PDK3: variants seen among roughly 807,000 people sequenced by gnomAD.
PDK3 encodes pyruvate dehydrogenase kinase 3, also known as pyruvate dehydrogenase kinase, isozyme 3.
A neutral mutation model predicts 32.0 loss-of-function variants in PDK3; 12 were observed. The ratio of observed to expected loss-of-function variants is 0.37; its 90% CI spans 0.24 to 0.61. The LOEUF (loss-of-function observed/expected upper bound fraction) is 0.61, where lower values mean the gene tolerates loss of function less well. Ranked by LOEUF, PDK3 falls within the 20% of genes least tolerant of loss-of-function variation. The pLI, the probability that PDK3 is intolerant of heterozygous loss-of-function variation, is 0.65. For missense variants in PDK3, 188 were observed against 316.9 expected, an observed-to-expected ratio of 0.59 and a Z score of 3.09; for synonymous variants, 122 against 116.3, an observed-to-expected ratio of 1.05 and a Z score of -0.31.
exon 12 of PDK3, among the ~76,000 whole-genome samples, chrX:24,544,930 C>T (rs949149008): frequency 8.9e-6 from 1 of 112,102 alleles, no homozygotes; most frequent in Non-Finnish European, 1.9e-5. Context: ...CAAGAAAGGA[C>T]GATTAACTTA....
intron 1 of PDK3, among the ~76,000 whole-genome samples, chrX:24,490,939 T>C (rs1167801898): frequency 9.0e-6 from 1 of 111,059 alleles, no homozygotes; most frequent in Non-Finnish European, 1.9e-5. Context: ...TTCATACTGA[T>C]ACTACCAGTT....
intron 1 of PDK3, among the ~76,000 whole-genome samples, chrX:24,474,948 A>C (rs778283682): frequency 1.8e-4 from 20 of 112,004 alleles, no homozygotes; most frequent in African/African-American, 5.8e-4. Context: ...TTTCCTTTAG[A>C]ACATATTTTA....
exon 12 of PDK3, among the ~76,000 whole-genome samples, chrX:24,542,365 A>G (rs773033359): frequency 8.9e-6 from 1 of 112,255 alleles, no homozygotes; most frequent in East Asian, 2.8e-4. Flanking sequence ...TTACAATGCC[A>G]TGAGCTGGAC....
At chrX:24,506,969 C>T (rs188667408) in intron 5 of PDK3, among the ~76,000 whole-genome samples, 1 of 109,305 alleles carries the variant, frequency 9.1e-6, no homozygotes, top group Non-Finnish European at 1.9e-5. Flanking sequence ...TGCCACCACG[C>T]CCAGCTAATT....
intron 1 of PDK3, among the ~76,000 whole-genome samples, chrX:24,480,211 AAG>A (rs1921219864): frequency 8.9e-6 from 1 of 112,372 alleles, no homozygotes; most frequent in Non-Finnish European, 1.9e-5. Context: ...AAGGGAAAAA[AAG>A]AGCTGACACT....
intron 9 of PDK3, among the ~76,000 whole-genome samples, chrX:24,529,497 C>T (rs1000800210): frequency 1.8e-5 from 2 of 111,535 alleles, no homozygotes; most frequent in Admixed American, 1.9e-4. Context: ...AGGAAACTGG[C>T]CTGTAATCCT....
At chrX:24,477,687 GT>G (rs1340573586) in intron 1 of PDK3, among the ~76,000 whole-genome samples, 1 of 111,374 alleles carries the variant, frequency 9.0e-6, no homozygotes, top group Non-Finnish European at 1.9e-5. Flanking sequence ...TTTGTAAGTA[GT>G]TATTAAATCT....
exon 12 of PDK3, among the ~76,000 whole-genome samples, chrX:24,540,684 G>C (rs1428669463): frequency 1.8e-5 from 2 of 110,103 alleles, no homozygotes; most frequent in Non-Finnish European, 3.8e-5. Flanking sequence ...GATCTCATCA[G>C]AGAACTCATA....
rs747187153 is a variant in PDK3, at chrX:24,527,602, A to G, written c.779A>G (p.Tyr260Cys). The change falls in exon 8 of 11, where the codon TAT becomes TGT. Residue 260 changes from tyrosine (Y) to cysteine (C), a missense_variant. Tyr to Cys is a radical substitution (Grantham distance 194). Coordinates refer to ENST00000379162, the MANE Select transcript of PDK3 (RefSeq NM_005391.5). ...KNSMRATVELYEDRKEGYPAV... is the reference protein window; with the variant it reads ...KNSMRATVELCEDRKEGYPAV... The stretch of plus-strand genomic sequence containing the variant: ...TCAATGAGAGCGACAGTTGAACTCT[A>G]TGAAGACAGAAAAGAGGGCTACCCT... 2 of 1,185,570 alleles carry G rather than the reference A, an allele frequency of 1.7e-6. No homozygotes were observed. Among genetic ancestry groups the G allele is most frequent in the African/African-American group, 1.8e-5 (1 of 56,802 alleles).
At chrX:24,530,181 A>G (rs781064308) in intron 9 of PDK3, among the ~76,000 whole-genome samples, 18 of 111,457 alleles carry the variant, frequency 1.6e-4, no homozygotes, top group Non-Finnish European at 3.2e-4. Context: ...CTGAGTCACT[A>G]CTATAAATAT....
chrX:24,481,192 C>T (rs1175397427), intron 1 of PDK3, among the ~76,000 whole-genome samples: 7 of 110,695 alleles, frequency 6.3e-5, no homozygotes, highest in African/African-American at 2.0e-4. Context: ...TGCAGGCGCC[C>T]GCCACTGCAC....
chrX:24,484,139 G>A (rs919148153), intron 1 of PDK3, among the ~76,000 whole-genome samples: 2 of 111,182 alleles, frequency 1.8e-5, no homozygotes, highest in Non-Finnish European at 3.8e-5. Context: ...AGCCTCCCAA[G>A]TAGCTGGGAC....
In PDK3 at chrX:24,518,837, GCACACACACACACACACACACACACA is replaced by G. The variant is rs3222401; in HGVS notation, c.596-78_596-53del. The G allele has an allele frequency of 3.4e-4, 128 of 373,131 alleles. 1 individual carries two copies. The highest frequency in any genetic ancestry group is 5.4e-4 in the Non-Finnish European group (115 of 212,023). 30.8% of individuals were successfully genotyped at this position (373,131 alleles called of 1,213,427 possible). A position where few individuals can be genotyped will look rare whatever the true frequency, so the allele number is the denominator to read the frequency against. On this transcript the variant is annotated intron_variant, in intron 5 of 10. Coordinates refer to ENST00000379162, the MANE Select transcript of PDK3 (RefSeq NM_005391.5). ...CCTATAGATATATACATGCACATGT[GCACACACACACACACACACACACACA>G]CACACACACACACACACGCTTGTGC...
chrX:24,465,308 T>TGCTGCGGCG lies in PDK3; in HGVS notation c.-142_-134dup, dbSNP rs1958215455. The TGCTGCGGCG allele has an allele frequency of 2.5e-5, 9 of 357,597 alleles. No homozygotes were observed. The highest frequency in any genetic ancestry group is 6.2e-5 in the Admixed American group (1 of 16,230). The allele number at this position is 357,597 out of a possible 1,213,427, so 29.5% of individuals were successfully genotyped here. A position where few individuals can be genotyped will look rare whatever the true frequency, so the allele number is the denominator to read the frequency against. On this transcript the variant is annotated 5_prime_UTR_variant, in exon 1 of 11. Transcript: ENST00000379162. ...GCCGCTGTCCTGGAGCTGCTGCTGC[T>TGCTGCGGCG]GCTGCGGCGGCTGCACCGGCGGCGC...
At chrX:24,547,407 T>TC (rs1161269452) in exon 12 of PDK3, 1 of 111,914 alleles carries the variant, frequency 8.9e-6, no homozygotes, top group African/African-American at 3.2e-5. Flanking sequence ...AAAATAATAT[T>TC]CATCTATGGA....
intron 2 of PDK3, among the ~76,000 whole-genome samples, chrX:24,496,568 CTTTTT>C (rs763095558): frequency 1.5e-4 from 6 of 39,324 alleles, no homozygotes; most frequent in African/African-American, 5.6e-4. Context: ...CTACCCCCAT[CTTTTT>C]TTTTTTTTTT....
At chrX:24,487,397 C>T (rs963987983) in intron 1 of PDK3, among the ~76,000 whole-genome samples, 6 of 111,672 alleles carry the variant, frequency 5.4e-5, no homozygotes, top group Admixed American at 9.5e-5. Flanking sequence ...GGGAAGTGGG[C>T]GCGGGTTGAA....
chrX:24,526,265 G>A lies in PDK3; in HGVS notation c.741G>A (p.Glu247=). 8.6e-7 allele frequency: 1 copy of A among 1,166,336 alleles called. No individual in the cohort carries two copies. Among genetic ancestry groups the A allele is most frequent in the African/African-American group, 1.8e-5 (1 of 56,960 alleles). Residue 247 remains glutamate (E), a synonymous_variant, in exon 7 of 11, where the codon GAG becomes GAA. Transcript: ENST00000379162. The part of the protein sequence containing the change: ...VPSHLFHMLF[E]LFKNSMRATV... The stretch of plus-strand genomic sequence containing the variant: ...CACATCTGTTTCATATGCTATTTGA[G>A]TTGTTCAAGGTAAGTGGAATTTTAA...
intron 1 of PDK3, among the ~76,000 whole-genome samples, chrX:24,477,087 C>A (rs183245291): frequency 9.0e-6 from 1 of 111,611 alleles, no homozygotes; most frequent in Non-Finnish European, 1.9e-5. Flanking sequence ...TCCAGGTAAT[C>A]GGGTGGTTTA....
Sources: gnomAD v4.1 joint callset for allele counts (sites outside exome capture counted in the v4.1 genomes callset) on GRCh38, gnomAD v4.1.1 for gene constraint, MANE v1.5 for transcripts, NCBI Gene and HGNC (gene_info 2026-07-23, HGNC 2026-07-21) for gene names.